PALM2AKAP2: variants seen among roughly 807,000 people sequenced by gnomAD.
PALM2AKAP2 encodes PALM2-AKAP2 fusion protein.
A neutral mutation model predicts 71.5 loss-of-function variants in PALM2AKAP2; 37 were observed. That is an observed-to-expected ratio of 0.52 (90% CI 0.40 to 0.68). The LOEUF (loss-of-function observed/expected upper bound fraction) is 0.68, where lower values mean the gene tolerates loss of function less well. Ranked by LOEUF, PALM2AKAP2 falls within the 30% of genes least tolerant of loss-of-function variation. The pLI is 0.00. For synonymous variants in PALM2AKAP2, 468 were observed against 478.8 expected (o/e 0.98, Z 0.29); for missense variants, 1,224 against 1,191.8 (o/e 1.03, Z -0.40).
intron 6 of PALM2AKAP2, among the ~76,000 whole-genome samples, chr9:109,982,349 A>G (rs1832288557): frequency 6.6e-6 from 1 of 152,206 alleles, no homozygotes; most frequent in South Asian, 2.1e-4. Context: ...AAGTACAAAA[A>G]TATGATTAGA....
chr9:109,902,382 C>G (rs1304389463), intron 3 of PALM2AKAP2, among the ~76,000 whole-genome samples: 1 of 152,364 alleles, frequency 6.6e-6, no homozygotes, highest in African/African-American at 2.4e-5. Context: ...TGGCCAGAGG[C>G]AGAGCCTCCA....
intron 1 of PALM2AKAP2, among the ~76,000 whole-genome samples, chr9:110,109,792 C>G (rs1486072295): frequency 1.3e-5 from 2 of 152,018 alleles, no homozygotes; most frequent in Non-Finnish European, 2.9e-5. Flanking sequence ...TGCCAGGCCC[C>G]TTAATTCCAG....
chr9:110,015,557 G>A (rs1832966218), intron 6 of PALM2AKAP2, among the ~76,000 whole-genome samples: 1 of 152,152 alleles, frequency 6.6e-6, no homozygotes, highest in Non-Finnish European at 1.5e-5. Context: ...AGTGAGCCGA[G>A]ATCATGCCAT....
At chr9:109,757,689 C>T (rs575832650) in intron 1 of PALM2AKAP2, among the ~76,000 whole-genome samples, 4 of 152,054 alleles carry the variant, frequency 2.6e-5, no homozygotes, top group African/African-American at 9.6e-5. Context: ...AAAACCAACA[C>T]GAGGTCTTCG....
At chr9:110,006,560 G>T (rs531847829) in intron 6 of PALM2AKAP2, among the ~76,000 whole-genome samples, 1 of 151,602 alleles carries the variant, frequency 6.6e-6, no homozygotes, top group Non-Finnish European at 1.5e-5. Flanking sequence ...ATGGGGTCTC[G>T]CCATGTTGCC....
chr9:110,156,200 A>G (rs1277477840), intron 2 of PALM2AKAP2, 119 bp from the exon 9 acceptor site: 4 of 1,373,988 alleles, frequency 2.9e-6, no homozygotes, highest in African/African-American at 1.5e-5. Flanking sequence ...ACACTTAACC[A>G]TCATTCTGGT....
At chr9:109,851,014 G>GA (rs1443245804) in intron 1 of PALM2AKAP2, among the ~76,000 whole-genome samples, 1 of 151,790 alleles carries the variant, frequency 6.6e-6, no homozygotes, top group Non-Finnish European at 1.5e-5. Flanking sequence ...CATCTCTACT[G>GA]AAAATACAAA....
chr9:109,882,540 C>CAT lies in PALM2AKAP2; in HGVS notation c.257+1869_257+1870dup, dbSNP rs1013601212. ...TGTTACCAACCATTTATATCATATA[C>CAT]ATATATATATAGAGAGAGAGTAGGT... On this transcript the variant is annotated intron_variant, in intron 3 of 9. Transcript: ENST00000302798. 3.0e-4 allele frequency among the ~76,000 whole-genome samples: 46 copies of CAT among 152,002 alleles called. 1 individual carries two copies. Among genetic ancestry groups the CAT allele is most frequent in the Non-Finnish European group, 2.4e-4 (16 of 67,976 alleles).
intron 1 of PALM2AKAP2, among the ~76,000 whole-genome samples, chr9:109,731,927 C>G (rs1041636499): frequency 9.9e-5 from 15 of 152,176 alleles, no homozygotes; most frequent in African/African-American, 3.4e-4. Context: ...TGATTCTGCT[C>G]CAGCCACAGA....
At chr9:110,097,591 C>T (rs1372458216) in intron 1 of PALM2AKAP2, among the ~76,000 whole-genome samples, 1 of 150,184 alleles carries the variant, frequency 6.7e-6, no homozygotes, top group East Asian at 1.9e-4. Context: ...CTCCTCACTT[C>T]CTAGATGGGA....
intron 1 of PALM2AKAP2, among the ~76,000 whole-genome samples, chr9:109,837,056 CA>C (rs1167563700): frequency 6.6e-6 from 1 of 152,094 alleles, no homozygotes; most frequent in African/African-American, 2.4e-5. Flanking sequence ...TCGAGAAGAG[CA>C]ACTCCAAGAC....
intron 1 of PALM2AKAP2, among the ~76,000 whole-genome samples, chr9:109,680,091 G>A (rs1293974789): frequency 6.6e-6 from 1 of 152,134 alleles, no homozygotes; most frequent in Admixed American, 6.5e-5. Flanking sequence ...AACCACTTTT[G>A]ATCAATGACT....
At chr9:109,706,558 A>G (rs2118596518) in intron 1 of PALM2AKAP2, among the ~76,000 whole-genome samples, 1 of 152,334 alleles carries the variant, frequency 6.6e-6, no homozygotes, top group South Asian at 2.1e-4. Context: ...CTACCTAGAT[A>G]TATTTCCAGG....
chr9:109,965,149 C>G (rs940952732), intron 6 of PALM2AKAP2, among the ~76,000 whole-genome samples: 1 of 152,208 alleles, frequency 6.6e-6, no homozygotes, highest in Non-Finnish European at 1.5e-5. Flanking sequence ...GGAAAAGTCA[C>G]TTAACTTCTC....
chr9:110,034,693 T>TGCAGAGGC (rs1833349869), intron 7 of PALM2AKAP2, among the ~76,000 whole-genome samples: 1 of 149,212 alleles, frequency 6.7e-6, no homozygotes, highest in African/African-American at 2.5e-5. Context: ...CAACCTCTGC[T>TGCAGAGGC]TCCCAGGCTC....
chr9:109,885,073 A>G (rs952536877), intron 3 of PALM2AKAP2, among the ~76,000 whole-genome samples: 14 of 152,196 alleles, frequency 9.2e-5, no homozygotes, highest in Non-Finnish European at 1.3e-4. Flanking sequence ...TTAGATGTCT[A>G]TTTCCCTAGA....
chr9:109,651,970 C>T (rs759838194), intron 1 of PALM2AKAP2, among the ~76,000 whole-genome samples: 5 of 151,966 alleles, frequency 3.3e-5, no homozygotes, highest in African/African-American at 7.2e-5. Context: ...ATTTGATGTG[C>T]TATTTAAAAA....
At chr9:110,053,527 C>CAAAAAAAAAAAAAAAAAAAAAGAAAA (rs1833758627) in intron 1 of PALM2AKAP2, among the ~76,000 whole-genome samples, 2 of 82,872 alleles carry the variant, frequency 2.4e-5, no homozygotes, top group African/African-American at 9.1e-5. Context: ...AACTCTGTCT[C>CAAAAAAAAAAAAAAAAAAAAAGAAAA]AAAAAAAAAA....
chr9:110,162,504 G>A (rs1836626776), intron 3 of PALM2AKAP2, among the ~76,000 whole-genome samples: 1 of 152,180 alleles, frequency 6.6e-6, no homozygotes, highest in African/African-American at 2.4e-5. Flanking sequence ...GGAAAACAGT[G>A]CAGCTCATGC....
Sources: gnomAD v4.1 joint callset for allele counts (sites outside exome capture counted in the v4.1 genomes callset) on GRCh38, gnomAD v4.1.1 for gene constraint, MANE v1.5 for transcripts, NCBI Gene and HGNC (gene_info 2026-07-23, HGNC 2026-07-21) for gene names.